Variants in PLEKHA6 observed in about 807,000 individuals in gnomAD.
PLEKHA6 encodes the protein pleckstrin homology domain containing A6, also known as pleckstrin homology domain-containing family A member 6.
A neutral mutation model predicts 116.7 loss-of-function variants in PLEKHA6; 60 were observed. The observed-to-expected ratio is 0.51, with a 90% CI of 0.42 to 0.64. The LOEUF is 0.64. Among genes scored for constraint, PLEKHA6 ranks in the 30% least tolerant of loss-of-function variants. The pLI is 0.00. For synonymous variants in PLEKHA6, 489 were observed against 556.1 expected, an observed-to-expected ratio of 0.88 and a Z score of 1.70; for missense variants, 1,338 against 1,422.7, an observed-to-expected ratio of 0.94 and a Z score of 0.96.
intron 1 of PLEKHA6, among the ~76,000 whole-genome samples, chr1:204,358,749 C>T (rs902295415): frequency 6.4e-4 from 97 of 152,218 alleles, no homozygotes; most frequent in Middle Eastern, 3.4e-3. Flanking sequence ...AGCTCTCCCT[C>T]CCCACCCCTG....
intron 10 of PLEKHA6, among the ~76,000 whole-genome samples, chr1:204,250,195 T>C (rs1473411562): frequency 2.6e-5 from 4 of 152,178 alleles, no homozygotes. Flanking sequence ...GGGCACAGAA[T>C]AGACTGACTG....
At chr1:204,364,804 A>G (rs905833473), upstream of PLEKHA6, among the ~76,000 whole-genome samples, 2 of 152,162 alleles carry the variant, frequency 1.3e-5, no homozygotes, top group African/African-American at 4.8e-5. Flanking sequence ...GGAAGTGCAA[A>G]TTCTAGACCC....
rs371962779 is a variant in PLEKHA6 at position 204,312,815 on chromosome 1, A to G, written c.-94-38006T>C. On this transcript the variant is annotated intron_variant, in intron 1 of 22. Transcript: ENST00000272203. The stretch of plus-strand genomic sequence containing the variant: ...TAGTGCACTCTCTGAGAAGCTCTGA[A>G]GCATTTGCATCAAGGCCCTTAGCCC... Among the ~76,000 whole-genome samples, 275 of 151,774 alleles carry G rather than the reference A, an allele frequency of 1.8e-3. 7 individuals carry two copies. The South Asian group carries it at 0.053, about 29-fold the overall frequency.
At chr1:204,273,153 C>A (rs1297647487) in intron 3 of PLEKHA6, among the ~76,000 whole-genome samples, 1 of 152,184 alleles carries the variant, frequency 6.6e-6, no homozygotes, top group Admixed American at 6.5e-5. Flanking sequence ...TTCCTTCCCC[C>A]TCTCTGAGCT....
At chr1:204,325,738 G>T in intron 1 of PLEKHA6, 1 of 163,102 alleles carries the variant, frequency 6.1e-6, no homozygotes, top group Non-Finnish European at 1.3e-5. Context: ...GTTCCTTATT[G>T]GTGGCTTCTT....
chr1:204,372,579 C>T (rs926402920), intron 1 of PLEKHA6, among the ~76,000 whole-genome samples: 2 of 152,146 alleles, frequency 1.3e-5, no homozygotes, highest in African/African-American at 4.8e-5. Context: ...ATAAACTCCA[C>T]TAAGAAAGAC....
At chr1:204,325,837 G>C in intron 1 of PLEKHA6, 1 of 883,924 alleles carries the variant, frequency 1.1e-6, no homozygotes, top group Non-Finnish European at 1.4e-6. Context: ...AGAGATCTCA[G>C]GGCCCAGGCG....
At chr1:204,254,142 G>C (rs1248179425) in intron 9 of PLEKHA6, among the ~76,000 whole-genome samples, 1 of 152,238 alleles carries the variant, frequency 6.6e-6, no homozygotes, top group Admixed American at 6.5e-5. Flanking sequence ...TTTGGATCTT[G>C]TTTCCCATCA....
chr1:204,363,456 G>A (rs184379318), upstream of PLEKHA6, among the ~76,000 whole-genome samples: 1 of 152,096 alleles, frequency 6.6e-6, no homozygotes, highest in Non-Finnish European at 1.5e-5. Context: ...TGGAGGAGCC[G>A]CAGGGGCCCA....
intron 1 of PLEKHA6, among the ~76,000 whole-genome samples, chr1:204,315,084 C>G (rs1300619677): frequency 6.6e-6 from 1 of 152,160 alleles, no homozygotes; most frequent in African/African-American, 2.4e-5. Context: ...TCCTGTGAGA[C>G]AAACTGGACT....
intron 1 of PLEKHA6, among the ~76,000 whole-genome samples, chr1:204,290,729 C>T (rs187087010): frequency 2.2e-4 from 33 of 152,312 alleles, no homozygotes; most frequent in African/African-American, 7.2e-4. Flanking sequence ...GTGGCTCATG[C>T]CTGTAATCCC....
rs6674033 is a variant in PLEKHA6 at position 204,223,848 on chromosome 1, A to C, written c.3032-263T>G. Reference sequence around the variant, plus strand: ...GTGTGACTGTGGGTAAGGCCAGGCCATCTCTGGGCAAAGGGCTCCCCTCCC... The same window carrying C: ...GTGTGACTGTGGGTAAGGCCAGGCCCTCTCTGGGCAAAGGGCTCCCCTCCC... On this transcript the variant is annotated intron_variant, in intron 21 of 22. Coordinates refer to ENST00000272203, the MANE Select transcript of PLEKHA6 (RefSeq NM_014935.5). This position sits in a 1 kb window ranked among gnomAD's most constrained non-coding sequence, Gnocchi z 4.8. Among the ~76,000 whole-genome samples, 75,817 of 152,014 alleles carry C rather than the reference A, an allele frequency of 0.5. 19,222 individuals are homozygous for C. Among genetic ancestry groups the C allele is most frequent in the African/African-American group, 0.59 (24,647 of 41,434 alleles).
At chr1:204,235,085 T>C (rs1289239829) in intron 17 of PLEKHA6, among the ~76,000 whole-genome samples, 1 of 148,682 alleles carries the variant, frequency 6.7e-6, no homozygotes, top group African/African-American at 2.5e-5. Flanking sequence ...ATACAGATTT[T>C]GGTATTAAGG....
chr1:204,319,542 A>G (rs1160610763), intron 1 of PLEKHA6, among the ~76,000 whole-genome samples: 1 of 152,210 alleles, frequency 6.6e-6, no homozygotes, highest in East Asian at 1.9e-4. Context: ...AGGCACTTCT[A>G]GTCCCCATAC....
chr1:204,347,980 A>G lies in PLEKHA6; in HGVS notation c.-95+11714T>C, dbSNP rs111694640. Among the ~76,000 whole-genome samples the G allele has an allele frequency of 1.1e-3, 162 of 152,172 alleles. 1 individual carries two copies. The highest frequency in any genetic ancestry group is 3.9e-3 in the African/African-American group (160 of 41,504). ...CGATTCTCCTTATCAGAAACCCACC[A>G]TCTCCCCAGCCTCTACTCACCCAGC... is the stretch of plus-strand genomic sequence containing the variant. On this transcript the variant is annotated intron_variant, in intron 1 of 22. Transcript: ENST00000272203.
chr1:204,305,963 G>A (rs944967586), intron 1 of PLEKHA6, among the ~76,000 whole-genome samples: 27 of 152,016 alleles, frequency 1.8e-4, no homozygotes, highest in African/African-American at 5.6e-4. Context: ...GTAGGCAAAC[G>A]GTGGTTTTCT....
chr1:204,339,507 G>T (rs1672772746), intron 1 of PLEKHA6, among the ~76,000 whole-genome samples: 4 of 152,194 alleles, frequency 2.6e-5, no homozygotes, highest in Admixed American at 2.6e-4. Flanking sequence ...ATTGTGTGCT[G>T]GGAGAGGGAG....
intron 1 of PLEKHA6, among the ~76,000 whole-genome samples, chr1:204,340,500 T>A (rs760888012): frequency 6.6e-6 from 1 of 152,024 alleles, no homozygotes; most frequent in Non-Finnish European, 1.5e-5. Context: ...AGACCACACA[T>A]CCTGGACACG....
At chr1:204,269,641 G>A (rs1667245610) in intron 3 of PLEKHA6, among the ~76,000 whole-genome samples, 1 of 151,618 alleles carries the variant, frequency 6.6e-6, no homozygotes, top group Non-Finnish European at 1.5e-5. Flanking sequence ...TATTAGACAT[G>A]CACTCCCTCA....
Sources: gnomAD v4.1 joint callset for allele counts (sites outside exome capture counted in the v4.1 genomes callset) on GRCh38, gnomAD v4.1.1 for gene constraint, Gnocchi (gnomAD v3.1) non-coding constraint, MANE v1.5 for transcripts, NCBI Gene and HGNC (gene_info 2026-07-23, HGNC 2026-07-21) for gene names.